Variants in ZZEF1 observed in about 807,000 individuals in gnomAD.
The protein encoded by ZZEF1 is zinc finger ZZ-type and EF-hand domain containing 1, also known as zinc finger ZZ-type and EF-hand domain-containing protein 1.
ZZEF1 carries 157 observed loss-of-function variants against 342.8 expected under a neutral mutation model. The ratio of observed to expected loss-of-function variants is 0.46; its 90% CI spans 0.40 to 0.52. The LOEUF (loss-of-function observed/expected upper bound fraction) is 0.52, where lower values mean the gene tolerates loss of function less well. Ranked by LOEUF, ZZEF1 falls within the 20% of genes least tolerant of loss-of-function variation. ZZEF1 has a pLI of 0.00. For synonymous variants in ZZEF1, 1,505 were observed against 1,429.1 expected (o/e 1.05, Z -1.20); for missense variants, 3,480 against 3,725.6 (o/e 0.93, Z 1.72).
intron 25 of ZZEF1, among the ~76,000 whole-genome samples, chr17:4,072,352 C>A (rs2057526205): frequency 1.3e-5 from 2 of 152,314 alleles, no homozygotes; most frequent in South Asian, 4.1e-4. Context: ...CCTGATAACT[C>A]CATCAACAGA....
rs1255316299 is a variant in ZZEF1, at chr17:4,023,082, G to A, written c.7093-254C>T. ...GGTCCCTGCCTGCTTCTCCGGCTGC[G>A]CCCCACCTTTCCTGCATTATTCTAA... is the stretch of plus-strand genomic sequence containing the variant. On this transcript the variant is annotated intron_variant, in intron 43 of 54. Coordinates refer to ENST00000381638, the MANE Select transcript of ZZEF1 (RefSeq NM_015113.4). 2.6e-5 allele frequency among the ~76,000 whole-genome samples: 4 copies of A among 152,056 alleles called. No individual in the cohort carries two copies. In the East Asian group the frequency reaches 5.8e-4, roughly 22 times the overall value.
intron 8 of ZZEF1, among the ~76,000 whole-genome samples, chr17:4,103,870 T>C (rs1478032640): frequency 6.6e-6 from 1 of 152,126 alleles, no homozygotes; most frequent in East Asian, 1.9e-4. Context: ...CAGTGAGCCG[T>C]GATCATGCCA....
intron 28 of ZZEF1, 61 bp from the exon 29 acceptor site, chr17:4,064,890 A>G (rs1597837324): frequency 5.5e-5 from 56 of 1,014,404 alleles, no homozygotes; most frequent in South Asian, 9.4e-5. Context: ...GGGGAGGGGG[A>G]GGGGAGAGGG....
At position 4,079,339 on chromosome 17, in the gene ZZEF1, C is replaced by T. The variant is rs527472483; in HGVS notation, c.2830-1297G>A. ...GAAGAAAGACTGGTGAGGGGGAGAA[C>T]TCAGTTCAGGCTTCAGGGATCTGAG... On this transcript the variant is annotated intron_variant, in intron 18 of 54. Transcript: ENST00000381638. Among the ~76,000 whole-genome samples, 80 of 152,278 alleles carry T rather than the reference C, an allele frequency of 5.3e-4. 1 individual carries two copies. The highest frequency in any genetic ancestry group is 1.9e-3 in the African/African-American group (79 of 41,552).
rs2057493973 is a variant in ZZEF1, at chr17:4,070,837, A to C, written c.3922T>G (p.Ser1308Ala). The change falls in exon 26 of 55, where the codon TCA becomes GCA. Residue 1308 changes from serine (S) to alanine (A), a missense_variant. Physicochemically the swap from Ser to Ala is moderately conservative, Grantham distance 99 (BLOSUM62 1). Coordinates refer to ENST00000381638, the MANE Select transcript of ZZEF1 (RefSeq NM_015113.4). ...TGTATGAATCCTTTGAAAAGTTCTG[A>C]ATATGGCCCACAGAAGTTCTGAGCA... ...EPAQNFCGPY[S>A]ELFKGFIQAC... 1 of 1,614,180 alleles carries C rather than the reference A, an allele frequency of 6.2e-7. No individual in the cohort carries two copies. Among genetic ancestry groups the C allele is most frequent in the Non-Finnish European group, 8.5e-7 (1 of 1,180,042 alleles).
rs1422180630 is a variant in ZZEF1, at chr17:4,042,420, TG to T, written c.6306+8del. ...ACCACCCCCACTTTTAAAAATAAAT[TG>T]CCCTTACCGACTTTAAGGGAGGTAA... On this transcript the variant is annotated splice_region_variant and intron_variant, in intron 39 of 54. Transcript: ENST00000381638. 6.2e-7 allele frequency: 1 copy of T among 1,605,304 alleles called. No homozygotes were observed.
At chr17:4,030,676 G>A (rs1213794550) in intron 42 of ZZEF1, among the ~76,000 whole-genome samples, 1 of 152,192 alleles carries the variant, frequency 6.6e-6, no homozygotes, top group Non-Finnish European at 1.5e-5. Flanking sequence ...CTTATTTTAT[G>A]TAGTGATGGG....
At chr17:4,119,695 G>A (rs540888013) in intron 2 of ZZEF1, among the ~76,000 whole-genome samples, 2 of 152,226 alleles carry the variant, frequency 1.3e-5, no homozygotes, top group East Asian at 3.9e-4. Context: ...TCTCACCCAG[G>A]GCAATCTTGG....
At chr17:4,091,061 A>G (rs1201086764) in intron 11 of ZZEF1, among the ~76,000 whole-genome samples, 5 of 152,214 alleles carry the variant, frequency 3.3e-5, no homozygotes, top group Admixed American at 6.5e-5. Flanking sequence ...CTGGGAACTA[A>G]GGAGAAAGTT....
At chr17:4,020,063 A>T in intron 45 of ZZEF1, 1 of 284,658 alleles carries the variant, frequency 3.5e-6, no homozygotes, top group Non-Finnish European at 6.5e-6. Flanking sequence ...CATCGTATTC[A>T]CGGCTAGCGT....
chr17:4,106,308 T>C (rs966244942), intron 6 of ZZEF1, among the ~76,000 whole-genome samples: 1 of 152,132 alleles, frequency 6.6e-6, no homozygotes, highest in African/African-American at 2.4e-5. Context: ...TTTGTGTTTG[T>C]TTGTTTCTTT....
chr17:4,141,917 T>G (rs939937733), intron 1 of ZZEF1, among the ~76,000 whole-genome samples: 1 of 152,234 alleles, frequency 6.6e-6, no homozygotes, highest in African/African-American at 2.4e-5. Context: ...GGTGATTATA[T>G]GAAGAACTGC....
chr17:4,072,017 G>C (rs1199863216), intron 25 of ZZEF1, among the ~76,000 whole-genome samples: 1 of 151,994 alleles, frequency 6.6e-6, no homozygotes, highest in Admixed American at 6.6e-5. Context: ...AGAAGACAGC[G>C]GACTAGCATG....
chr17:4,054,224 G>A (rs1326342175), intron 33 of ZZEF1, 29 bp from the exon 34 acceptor site: 1 of 1,595,942 alleles, frequency 6.3e-7, no homozygotes, highest in African/African-American at 1.3e-5. Flanking sequence ...ACAATTAACT[G>A]ATAGATTTTC....
At chr17:4,121,483 G>A (rs1239066644) in intron 2 of ZZEF1, among the ~76,000 whole-genome samples, 3 of 152,130 alleles carry the variant, frequency 2.0e-5, no homozygotes, top group South Asian at 2.1e-4. Context: ...AAAATTAGCC[G>A]GACGTGGTGG....
At chr17:4,066,230 A>G (rs2057391402) in intron 28 of ZZEF1, among the ~76,000 whole-genome samples, 1 of 152,198 alleles carries the variant, frequency 6.6e-6, no homozygotes, top group Non-Finnish European at 1.5e-5. Context: ...GTGATTAGAA[A>G]GATGTTCCAT....
chr17:4,080,398 G>A (rs564741171), intron 18 of ZZEF1, among the ~76,000 whole-genome samples: 2 of 152,016 alleles, frequency 1.3e-5, no homozygotes, highest in African/African-American at 2.4e-5. Context: ...GGAGTGCTAT[G>A]GCGCGATCTT....
intron 27 of ZZEF1, 46 bp downstream of exon 27, chr17:4,067,117 T>A: frequency 1.3e-6 from 2 of 1,506,964 alleles, no homozygotes; most frequent in Non-Finnish European, 1.8e-6. Context: ...GATATCACGG[T>A]AGAAAACCTA....
At chr17:4,082,143 C>A (rs1424953914) in intron 17 of ZZEF1, among the ~76,000 whole-genome samples, 1 of 152,174 alleles carries the variant, frequency 6.6e-6, no homozygotes, top group Non-Finnish European at 1.5e-5. Flanking sequence ...GAATACAAGA[C>A]CCTACATTCC....
Sources: allele counts gnomAD v4.1 joint callset (sites outside exome capture counted in the v4.1 genomes callset), GRCh38; gene constraint gnomAD v4.1.1; transcripts MANE v1.5; gene names NCBI Gene and HGNC (gene_info 2026-07-23, HGNC 2026-07-21).